The following NAA25 variants were observed in gnomAD, a reference collection of about 807,000 sequenced individuals.
NAA25 encodes the protein N-alpha-acetyltransferase 25, NatB auxiliary subunit.
NAA25 carries 30 observed loss-of-function variants against 132.5 expected under a neutral mutation model. The ratio of observed to expected loss-of-function variants is 0.23; its 90% CI spans 0.17 to 0.31. The LOEUF (loss-of-function observed/expected upper bound fraction) is 0.31. NAA25 is among the 10% of genes least tolerant of loss of function. The probability of loss-of-function intolerance (pLI) is 1.00; values close to 1 mark genes in which losing one functional copy is unlikely to be tolerated. For missense variants in NAA25, 771 were observed against 1,150.4 expected (o/e 0.67, Z 4.77); for synonymous variants, 359 against 401.9 (o/e 0.89, Z 1.28).
intron 4 of NAA25, among the ~76,000 whole-genome samples, chr12:112,086,437 G>A (rs2079057967): frequency 2.0e-5 from 3 of 151,878 alleles, no homozygotes; most frequent in South Asian, 4.2e-4. Flanking sequence ...CCAGGTTGCA[G>A]TGAGCCGAGA....
In NAA25 at chr12:112,026,914, T is replaced by C. The variant is rs1026340617; in HGVS notation, c.*2617A>G. Reference sequence around the variant, plus strand: ...GATTGAACATAGTGATTGCAAAATATAATGCAATTTTCAACAATTAAAATT... The same window carrying C: ...GATTGAACATAGTGATTGCAAAATACAATGCAATTTTCAACAATTAAAATT... On this transcript the variant is annotated 3_prime_UTR_variant, in exon 24 of 24. Transcript: ENST00000261745. 3 of 152,570 alleles carry C rather than the reference T, an allele frequency of 2.0e-5. No individual in the cohort carries two copies. Among genetic ancestry groups the C allele is most frequent in the African/African-American group, 4.8e-5 (2 of 41,452 alleles). The allele number at this position is 152,570 out of a possible 1,614,324, so 9.5% of individuals were successfully genotyped here.
At chr12:112,063,536 T>C (rs971535896) in intron 11 of NAA25, among the ~76,000 whole-genome samples, 1 of 152,224 alleles carries the variant, frequency 6.6e-6, no homozygotes, top group African/African-American at 2.4e-5. Context: ...CGGAGAATGC[T>C]ATCCGACAAA....
chr12:112,032,991 T>G (rs989458036), intron 23 of NAA25, among the ~76,000 whole-genome samples: 3 of 152,136 alleles, frequency 2.0e-5, no homozygotes, highest in Non-Finnish European at 4.4e-5. Flanking sequence ...TTAGTTTTCA[T>G]AGTAAAAGAA....
In NAA25 at chr12:112,090,727, T is replaced by A. The variant is rs762202042; in HGVS notation, c.282A>T (p.Arg94=). The change falls in exon 3 of 24, where the codon CGA becomes CGT. Residue 94 remains arginine (R), a splice_region_variant and synonymous_variant. Transcript: ENST00000261745. Reference sequence around the variant, plus strand: ...AACAATGAAAAGAAAGAAACATACGTCGGTGCATCTCCCGGTAAAGGATAG... The same window carrying A: ...AACAATGAAAAGAAAGAAACATACGACGGTGCATCTCCCGGTAAAGGATAG... ...ALTILYREMH[R]PELVTKLYEA... 6.2e-7 allele frequency: 1 copy of A among 1,607,460 alleles called. No individual in the cohort carries two copies. Among genetic ancestry groups the A allele is most frequent in the Non-Finnish European group, 8.5e-7 (1 of 1,178,426 alleles).
intron 1 of NAA25, among the ~76,000 whole-genome samples, chr12:112,101,634 G>A (rs1270666244): frequency 6.6e-6 from 1 of 151,996 alleles, no homozygotes; most frequent in Non-Finnish European, 1.5e-5. Context: ...GCAGGTGCTT[G>A]TAATCCCAGC....
At chr12:112,077,520 G>GTGC (rs892028221) in intron 7 of NAA25, among the ~76,000 whole-genome samples, 2 of 151,728 alleles carry the variant, frequency 1.3e-5, no homozygotes, top group Admixed American at 1.3e-4. Context: ...GTGGTGGTGT[G>GTGC]TGCCCGTCGT....
chr12:112,105,156 C>G (rs1205938654), intron 1 of NAA25, among the ~76,000 whole-genome samples: 1 of 150,858 alleles, frequency 6.6e-6, no homozygotes, highest in Non-Finnish European at 1.5e-5. Flanking sequence ...GCTGTCTCTA[C>G]AAAAAATACA....
rs139280992 is a variant in NAA25 at position 112,055,927 on chromosome 12, T to A, written c.1448-1359A>T. On this transcript the variant is annotated intron_variant, in intron 13 of 23. Coordinates refer to ENST00000261745, the MANE Select transcript of NAA25 (RefSeq NM_024953.4). Reference sequence around the variant, plus strand: ...GAAGAAAAGAAAGATAGGCCGGGCATAGTAGCTCATGCCTGTAATCCCAGC... The same window carrying A: ...GAAGAAAAGAAAGATAGGCCGGGCAAAGTAGCTCATGCCTGTAATCCCAGC... 8.5e-5 allele frequency among the ~76,000 whole-genome samples: 13 copies of A among 152,300 alleles called. No homozygotes were observed. In the East Asian group the frequency reaches 2.5e-3, roughly 29 times the overall value.
intron 2 of NAA25, among the ~76,000 whole-genome samples, chr12:112,091,656 G>A (rs1329422300): frequency 3.3e-5 from 5 of 151,612 alleles, no homozygotes; most frequent in African/African-American, 4.8e-5. Context: ...TCATGCCTAG[G>A]CAACTGCAGT....
At position 112,093,140 on chromosome 12, in the gene NAA25, T is replaced by C. The variant is rs748399960; in HGVS notation, c.59-4A>G. ...TTATTACCATTGTCAAGATAATCTA[T>C]GAAAAAACAAATTATGTGACAGTTA... On this transcript the variant is annotated splice_region_variant and splice_polypyrimidine_tract_variant and intron_variant, in intron 1 of 23. Transcript: ENST00000261745. 1.3e-6 allele frequency: 2 copies of C among 1,544,300 alleles called. No individual in the cohort carries two copies. Among genetic ancestry groups the C allele is most frequent in the East Asian group, 2.2e-5 (1 of 44,500 alleles).
chr12:112,078,804 T>G, intron 5 of NAA25, 63 bp from the exon 6 acceptor site: 26 of 1,241,148 alleles, frequency 2.1e-5, no homozygotes, highest in Non-Finnish European at 2.8e-5. Context: ...GATATTAACA[T>G]TACTGTTAAT....
Position 112,071,985 on chromosome 12 carries a change from T to G in NAA25, c.946A>C (p.Ser316Arg). ...TGTGGTCCTCGGAGATGGCGAGAAC[T>G]TTTAGATTCTTCCGTTATCCGATCT... ...IEDRITEESK[S>R]SRHLRGPHLA... The change falls in exon 10 of 24, where the codon AGT becomes CGT. Residue 316 changes from serine (S) to arginine (R), a missense_variant. Coordinates refer to ENST00000261745, the MANE Select transcript of NAA25 (RefSeq NM_024953.4). The G allele has an allele frequency of 6.2e-7, 1 of 1,614,102 alleles. No individual in the cohort carries two copies. Among genetic ancestry groups the G allele is most frequent in the Non-Finnish European group, 8.5e-7 (1 of 1,179,960 alleles).
At chr12:112,092,016 G>A (rs1024412894) in intron 2 of NAA25, among the ~76,000 whole-genome samples, 1 of 152,174 alleles carries the variant, frequency 6.6e-6, no homozygotes, top group Non-Finnish European at 1.5e-5. Flanking sequence ...CAAGGCAGGC[G>A]GATCAGGAGG....
intron 23 of NAA25, among the ~76,000 whole-genome samples, chr12:112,032,700 T>A (rs2078165621): frequency 6.6e-6 from 1 of 152,192 alleles, no homozygotes; most frequent in Non-Finnish European, 1.5e-5. Flanking sequence ...TTATAAGGAT[T>A]TTGCTAACTA....
At chr12:112,090,909 G>A (rs1435888620) in intron 2 of NAA25, 45 bp from the exon 3 acceptor site, 1 of 1,551,380 alleles carries the variant, frequency 6.4e-7, no homozygotes, top group Non-Finnish European at 8.8e-7. Flanking sequence ...AGACAGAAAA[G>A]GAAATATGAA....
intron 17 of NAA25, among the ~76,000 whole-genome samples, chr12:112,045,997 T>C (rs1408600992): frequency 6.6e-6 from 1 of 152,136 alleles, no homozygotes; most frequent in African/African-American, 2.4e-5. Context: ...TAGAAAAGAG[T>C]TAACATAGCA....
At chr12:112,105,820 G>A (rs1257940348) in intron 1 of NAA25, among the ~76,000 whole-genome samples, 2 of 152,186 alleles carry the variant, frequency 1.3e-5, no homozygotes, top group African/African-American at 4.8e-5. Flanking sequence ...CTACAACCTT[G>A]AGCAAGTTAA....
intron 4 of NAA25, 141 bp from the exon 5 acceptor site, chr12:112,081,275 T>C (rs187103888): frequency 2.9e-6 from 2 of 694,336 alleles, no homozygotes; most frequent in African/African-American, 3.6e-5. Flanking sequence ...AGTGACTTGA[T>C]GGCTTTAGCA....
chr12:112,059,210 T>C (rs1359779744), intron 13 of NAA25, among the ~76,000 whole-genome samples: 1 of 149,878 alleles, frequency 6.7e-6, no homozygotes, highest in African/African-American at 2.4e-5. Context: ...AGGCGGAGGT[T>C]GCAGTGAGCT....
Sources: gnomAD v4.1 joint callset for allele counts (sites outside exome capture counted in the v4.1 genomes callset) on GRCh38, gnomAD v4.1.1 for gene constraint, MANE v1.5 for transcripts, NCBI Gene and HGNC (gene_info 2026-07-23, HGNC 2026-07-21) for gene names.